Variants in MCTP2 observed in about 807,000 individuals in gnomAD.
MCTP2 encodes the protein multiple C2 and transmembrane domain-containing protein 2.
In MCTP2, 132 loss-of-function variants were observed where a neutral mutation model predicts 111.6. The ratio of observed to expected loss-of-function variants is 1.18; its 90% confidence interval spans 1.03 to 1.37. MCTP2 has a LOEUF of 1.37. MCTP2 is among the 40% of genes most tolerant of loss of function. The pLI, the probability that MCTP2 is intolerant of heterozygous loss-of-function variation, is 0.00. For synonymous variants in MCTP2, 395 were observed against 387.7 expected, an observed-to-expected ratio of 1.02 and a Z score of -0.22; for missense variants, 1,183 against 1,067.9, an observed-to-expected ratio of 1.11 and a Z score of -1.50.
chr15:94,473,544 C>A (rs2074100787), intron 21 of MCTP2, among the ~76,000 whole-genome samples: 1 of 152,110 alleles, frequency 6.6e-6, no homozygotes, highest in African/African-American at 2.4e-5. Flanking sequence ...GGATTAGATC[C>A]CATGTGGGTT....
chr15:94,414,623 G>A (rs1259906769), intron 17 of MCTP2, among the ~76,000 whole-genome samples: 1 of 152,172 alleles, frequency 6.6e-6, no homozygotes, highest in Non-Finnish European at 1.5e-5. Context: ...CTGCAGGATA[G>A]ATGAAGATTT....
intron 1 of MCTP2, among the ~76,000 whole-genome samples, chr15:94,283,618 C>A (rs1430674336): frequency 6.6e-6 from 1 of 152,146 alleles, no homozygotes; most frequent in Non-Finnish European, 1.5e-5. Context: ...TGCTTGGCAA[C>A]CCCATGTAGA....
chr15:94,435,663 G>A (rs1275711182), intron 17 of MCTP2, among the ~76,000 whole-genome samples: 1 of 99,800 alleles, frequency 1.0e-5, no homozygotes, highest in Non-Finnish European at 2.1e-5. Flanking sequence ...ACGGAGTCTC[G>A]CTCTGTCGCC....
At chr15:94,270,609 C>T (rs955209732) in intron 1 of MCTP2, among the ~76,000 whole-genome samples, 1 of 152,090 alleles carries the variant, frequency 6.6e-6, no homozygotes, top group Admixed American at 6.5e-5. Context: ...TCTCCATCTC[C>T]CCAGGTGGGC....
At chr15:94,377,193 T>G (rs2079824041) in intron 12 of MCTP2, among the ~76,000 whole-genome samples, 1 of 152,192 alleles carries the variant, frequency 6.6e-6, no homozygotes, top group African/African-American at 2.4e-5. Context: ...TGGTTTCATT[T>G]AATTGTCTGT....
intron 4 of MCTP2, among the ~76,000 whole-genome samples, chr15:94,319,979 A>G (rs1260890520): frequency 2.0e-5 from 3 of 152,172 alleles, no homozygotes; most frequent in Non-Finnish European, 4.4e-5. Flanking sequence ...CATTTGTCCT[A>G]TGCAGTCTTT....
intron 17 of MCTP2, among the ~76,000 whole-genome samples, chr15:94,438,843 C>T (rs1051526963): frequency 1.3e-5 from 2 of 152,046 alleles, no homozygotes; most frequent in African/African-American, 2.4e-5. Flanking sequence ...TATGATTTAT[C>T]ACTCTAGAAG....
intron 1 of MCTP2, among the ~76,000 whole-genome samples, chr15:94,283,198 G>A (rs1037199306): frequency 2.6e-5 from 4 of 152,150 alleles, no homozygotes; most frequent in Non-Finnish European, 2.9e-5. Context: ...CTGAGGCTGC[G>A]CTGTAAGTTG....
rs929564506 is a variant in MCTP2, at chr15:94,379,615, C to A, written c.1583-4407C>A. On this transcript the variant is annotated intron_variant, in intron 12 of 22. Transcript: ENST00000357742. ...AAACTACTGGTCATGGTCTTCAAGC[C>A]AATCTTAGTACCTATCCACCTGTAT... 2.6e-5 allele frequency among the ~76,000 whole-genome samples: 4 copies of A among 151,194 alleles called. No homozygotes were observed. The East Asian group carries it at 7.7e-4, about 29-fold the overall frequency.
At chr15:94,403,278 T>C (rs775480097) in intron 17 of MCTP2, 3 of 981,952 alleles carry the variant, frequency 3.1e-6, no homozygotes, top group Non-Finnish European at 3.6e-6. Context: ...CGTCATTGTC[T>C]CAGCATTTGT....
intron 17 of MCTP2, among the ~76,000 whole-genome samples, chr15:94,414,262 T>A (rs567904805): frequency 6.6e-6 from 1 of 152,160 alleles, no homozygotes; most frequent in Non-Finnish European, 1.5e-5. Flanking sequence ...ATCCAGAATT[T>A]TTTTTATGAT....
chr15:94,452,451 C>G (rs1158805945), intron 19 of MCTP2, among the ~76,000 whole-genome samples: 1 of 152,126 alleles, frequency 6.6e-6, no homozygotes, highest in African/African-American at 2.4e-5. Context: ...TCCAGTCATT[C>G]TTCTATAAGG....
At chr15:94,360,833 T>C (rs2078890699) in intron 10 of MCTP2, among the ~76,000 whole-genome samples, 1 of 149,408 alleles carries the variant, frequency 6.7e-6, no homozygotes, top group South Asian at 2.1e-4. Flanking sequence ...CTGTTCTTCC[T>C]CTTTATGAAT....
chr15:94,361,084 G>GTTTTTTTTTTTTTTTTTTTTTTTTTT (rs67774490), intron 10 of MCTP2, among the ~76,000 whole-genome samples: 1 of 8,416 alleles, frequency 1.2e-4, no homozygotes, highest in East Asian at 4.2e-3. Context: ...AATATTTCAA[G>GTTTTTTTTTTTTTTTTTTTTTTTTTT]TTTTTTTTTT....
At chr15:94,385,389 T>A (rs762661158) in intron 13 of MCTP2, 34 bp from the exon 14 acceptor site, 20 of 1,424,778 alleles carry the variant, frequency 1.4e-5, no homozygotes, top group Non-Finnish European at 1.9e-5. Flanking sequence ...CACTTGTGTG[T>A]TTTTGTGTAT....
intron 1 of MCTP2, among the ~76,000 whole-genome samples, chr15:94,251,890 T>A (rs939247733): frequency 6.6e-6 from 1 of 152,214 alleles, no homozygotes. Context: ...CTATAGTATT[T>A]GTCCATTTGT....
rs1366347828 is a variant in MCTP2 at position 94,390,060 on chromosome 15, A to ATG, written c.1788+4536_1788+4537insGT. ...GTGAATGTTCAAGGCATATATATAT[A>ATG]TATATATATATATATATATATATAT... On this transcript the variant is annotated intron_variant, in intron 14 of 22. Coordinates refer to ENST00000357742, the MANE Select transcript of MCTP2 (RefSeq NM_001385001.1). 1.1e-3 allele frequency among the ~76,000 whole-genome samples: 13 copies of ATG among 11,512 alleles called. 1 individual carries two copies. The highest frequency in any genetic ancestry group is 5.1e-3 in the East Asian group (2 of 390). 7.6% of individuals were successfully genotyped at this position (11,512 alleles called of 152,430 possible). A position where few individuals can be genotyped will look rare whatever the true frequency, so the allele number is the denominator to read the frequency against.
chr15:94,258,886 G>A (rs1456621687), intron 1 of MCTP2, among the ~76,000 whole-genome samples: 4 of 152,006 alleles, frequency 2.6e-5, no homozygotes, highest in African/African-American at 7.3e-5. Flanking sequence ...TTGATCATAC[G>A]CCCTATCAAG....
intron 17 of MCTP2, among the ~76,000 whole-genome samples, chr15:94,429,152 T>G (rs1336939415): frequency 6.6e-6 from 1 of 151,728 alleles, no homozygotes; most frequent in Non-Finnish European, 1.5e-5. Context: ...TCTATGCCTG[T>G]GTCATCTGCT....
Sources: gnomAD v4.1 joint callset for allele counts (sites outside exome capture counted in the v4.1 genomes callset) on GRCh38, gnomAD v4.1.1 for gene constraint, MANE v1.5 for transcripts, NCBI Gene and HGNC (gene_info 2026-07-23, HGNC 2026-07-21) for gene names.